Variants in KCNMA1 observed in about 807,000 individuals in gnomAD.
KCNMA1 encodes potassium calcium-activated channel subfamily M alpha 1.
A neutral mutation model predicts 140.0 loss-of-function variants in KCNMA1; 29 were observed. That is an observed-to-expected ratio of 0.21 (90% CI 0.15 to 0.28). The LOEUF (loss-of-function observed/expected upper bound fraction) is 0.28. Among genes scored for constraint, KCNMA1 ranks in the 10% least tolerant of loss-of-function variants. KCNMA1 has a pLI of 1.00. For synonymous variants in KCNMA1, 612 were observed against 611.9 expected (o/e 1.00, Z 0.00); for missense variants, 880 against 1,602.2 (o/e 0.55, Z 7.70).
chr10:76,986,660 C>A (rs920867463), intron 19 of KCNMA1, among the ~76,000 whole-genome samples: 3 of 152,208 alleles, frequency 2.0e-5, no homozygotes, highest in Non-Finnish European at 2.9e-5. Context: ...GAGATAAGGT[C>A]TAGGCCATTG....
chr10:77,221,930 T>C (rs571495025), intron 3 of KCNMA1, among the ~76,000 whole-genome samples: 32 of 152,362 alleles, frequency 2.1e-4, no homozygotes, highest in African/African-American at 7.2e-4. Flanking sequence ...ATCCCAGCTC[T>C]GTCACTTACG....
chr10:77,066,107 C>A (rs2095934060), intron 14 of KCNMA1, among the ~76,000 whole-genome samples: 1 of 152,132 alleles, frequency 6.6e-6, no homozygotes, highest in South Asian at 2.1e-4. Flanking sequence ...GAGACTTATG[C>A]AGAAGAGTGA....
chr10:77,524,156 C>G (rs1453876447), intron 1 of KCNMA1, among the ~76,000 whole-genome samples: 9 of 152,152 alleles, frequency 5.9e-5, no homozygotes, highest in African/African-American at 2.2e-4. Context: ...CACATGGAAA[C>G]TTATCCTCGA....
chr10:77,225,695 G>T (rs2051128632), intron 3 of KCNMA1, among the ~76,000 whole-genome samples: 1 of 152,206 alleles, frequency 6.6e-6, no homozygotes, highest in Non-Finnish European at 1.5e-5. Context: ...AGAGGCCTTT[G>T]TGGCCTTCTT....
chr10:77,312,971 C>A (rs1415159402), intron 2 of KCNMA1, among the ~76,000 whole-genome samples: 1 of 152,176 alleles, frequency 6.6e-6, no homozygotes, highest in Non-Finnish European at 1.5e-5. Flanking sequence ...AAAATTGACA[C>A]ACGGCCACTC....
chr10:76,884,623 G>C (rs75349006), downstream of KCNMA1: 3 of 196,006 alleles, frequency 1.5e-5, no homozygotes, highest in Non-Finnish European at 3.1e-5. Flanking sequence ...AGATTAAAAG[G>C]CAAGCCAGAT....
In KCNMA1 at chr10:77,404,100, G is replaced by A. The variant is rs2096379257; in HGVS notation, c.379-77C>T. 6 of 1,473,954 alleles carry A rather than the reference G, an allele frequency of 4.1e-6. 1 individual carries two copies. Among genetic ancestry groups the A allele is most frequent in the Middle Eastern group, 1.7e-4 (1 of 5,850 alleles). The allele number at this position is 1,473,954 out of a possible 1,614,324, so 91.3% of individuals were successfully genotyped here. A position where few individuals can be genotyped will look rare whatever the true frequency, so the allele number is the denominator to read the frequency against. ...AACATGCTCTACCCATAAAGAACCAGAGCCAGAAGGGGTCCCCAGCTGAGA... is the reference window on the plus strand; with the variant it reads ...AACATGCTCTACCCATAAAGAACCAAAGCCAGAAGGGGTCCCCAGCTGAGA... On this transcript the variant is annotated intron_variant, in intron 1 of 27. Coordinates refer to ENST00000286628, the MANE Select transcript of KCNMA1 (RefSeq NM_001161352.2).
At chr10:77,073,278 A>C in intron 13 of KCNMA1, 26 bp from the exon 14 acceptor site, 1 of 1,612,558 alleles carries the variant, frequency 6.2e-7, no homozygotes. Context: ...CAGGTATGAG[A>C]CCTTGCTCTG....
chr10:77,451,596 A>G (rs2097661418), intron 1 of KCNMA1, among the ~76,000 whole-genome samples: 2 of 152,212 alleles, frequency 1.3e-5, no homozygotes, highest in South Asian at 4.1e-4. Flanking sequence ...GACAGCTTCC[A>G]AAGGAGGTGA....
intron 3 of KCNMA1, among the ~76,000 whole-genome samples, chr10:77,232,163 A>G (rs911956888): frequency 3.3e-5 from 5 of 152,162 alleles, no homozygotes. Context: ...AGCACATCAC[A>G]TTTTGTTAAT....
chr10:77,456,665 A>C (rs703261), intron 1 of KCNMA1, among the ~76,000 whole-genome samples: 25,090 of 152,168 alleles, frequency 0.16, 2,234 homozygotes, highest in African/African-American at 0.21. Flanking sequence ...TGCATCGAGC[A>C]CTATGTGGCG....
chr10:77,469,233 G>C (rs146744366), intron 1 of KCNMA1, among the ~76,000 whole-genome samples: 6 of 151,846 alleles, frequency 4.0e-5, no homozygotes, highest in Non-Finnish European at 7.4e-5. Flanking sequence ...AACTTAGGAT[G>C]CAGTTAGAGA....
Position 77,495,539 on chromosome 10 carries a change from G to A in KCNMA1, c.379-91516C>T, listed in dbSNP as rs537756830. On this transcript the variant is annotated intron_variant, in intron 1 of 27. Transcript: ENST00000286628. ...CCAACAGAAACATCGGCCAATGAGTGCCGTGATTTCTCTGCCCGTTTTCTC... is the reference window on the plus strand; with the variant it reads ...CCAACAGAAACATCGGCCAATGAGTACCGTGATTTCTCTGCCCGTTTTCTC... 4.6e-5 allele frequency among the ~76,000 whole-genome samples: 7 copies of A among 152,324 alleles called. No homozygotes were observed. The South Asian group carries it at 1.5e-3, about 32-fold the overall frequency.
At chr10:77,291,107 G>A (rs776998744) in intron 2 of KCNMA1, among the ~76,000 whole-genome samples, 5 of 152,118 alleles carry the variant, frequency 3.3e-5, no homozygotes, top group African/African-American at 4.8e-5. Context: ...ACAGCTTCCC[G>A]TGCCTCTCTT....
chr10:77,257,855 T>C (rs1406649322), intron 2 of KCNMA1, among the ~76,000 whole-genome samples: 2 of 152,234 alleles, frequency 1.3e-5, no homozygotes, highest in African/African-American at 4.8e-5. Context: ...TCCGCCATGA[T>C]TGTTAGGCCT....
chr10:77,285,143 A>T (rs1241952412), intron 2 of KCNMA1, among the ~76,000 whole-genome samples: 3 of 152,238 alleles, frequency 2.0e-5, no homozygotes, highest in African/African-American at 7.2e-5. Flanking sequence ...TTACCCAGAA[A>T]ACTTTAAAGA....
chr10:77,117,758 T>G (rs1268505154), intron 6 of KCNMA1, among the ~76,000 whole-genome samples: 2 of 151,794 alleles, frequency 1.3e-5, no homozygotes, highest in Non-Finnish European at 2.9e-5. Context: ...GTGTTAGATC[T>G]CCAGTTTGCA....
At chr10:77,127,893 GAACCT>G (rs1460183759) in intron 5 of KCNMA1, among the ~76,000 whole-genome samples, 1 of 152,082 alleles carries the variant, frequency 6.6e-6, no homozygotes, top group African/African-American at 2.4e-5. Context: ...AGAATCACTT[GAACCT>G]GGGAGGTGGA....
chr10:77,502,527 C>G (rs377274046), intron 1 of KCNMA1, among the ~76,000 whole-genome samples: 2 of 152,148 alleles, frequency 1.3e-5, no homozygotes, highest in African/African-American at 4.8e-5. Flanking sequence ...AATCAGAGCT[C>G]AGATTGAAGC....
Sources: allele counts gnomAD v4.1 joint callset (sites outside exome capture counted in the v4.1 genomes callset), GRCh38; gene constraint gnomAD v4.1.1; transcripts MANE v1.5; gene names NCBI Gene and HGNC (gene_info 2026-07-23, HGNC 2026-07-21).